The following ATAD2B variants were observed in gnomAD, a reference collection of about 807,000 sequenced individuals.
ATAD2B encodes ATPase family AAA domain containing 2B.
ATAD2B carries 40 observed loss-of-function variants against 167.6 expected under a neutral mutation model. That is an observed-to-expected ratio of 0.24 (90% CI 0.19 to 0.31). The LOEUF is 0.31. ATAD2B is among the 10% of genes least tolerant of loss of function. ATAD2B has a pLI of 1.00. For missense variants in ATAD2B, 1,242 were observed against 1,757.2 expected, an observed-to-expected ratio of 0.71 and a Z score of 5.24; for synonymous variants, 579 against 596.5, an observed-to-expected ratio of 0.97 and a Z score of 0.43.
chr2:23,922,808 A>C (rs146114924), intron 1 of ATAD2B, among the ~76,000 whole-genome samples: 1,684 of 152,234 alleles, frequency 0.011, 45 homozygotes, highest in African/African-American at 0.039. Context: ...CCACAATGAG[A>C]TATCACCTCA....
the ATAD2B span, among the ~76,000 whole-genome samples, chr2:23,681,469 A>G: frequency 6.6e-6 from 1 of 152,158 alleles, no homozygotes; most frequent in East Asian, 1.9e-4. This position sits in a 1 kb window ranked among gnomAD's most constrained non-coding sequence, Gnocchi z 4.2. Context: ...TTTGAAAGGA[A>G]GGTCTTCAGA....
the ATAD2B span, among the ~76,000 whole-genome samples, chr2:23,709,994 A>G: frequency 6.6e-6 from 1 of 152,218 alleles, no homozygotes; most frequent in African/African-American, 2.4e-5. Flanking sequence ...TGTGTCCACT[A>G]TATCAGGAGT....
At chr2:23,779,651 A>C (rs1679700666) in intron 22 of ATAD2B, among the ~76,000 whole-genome samples, 1 of 152,178 alleles carries the variant, frequency 6.6e-6, no homozygotes, top group Non-Finnish European at 1.5e-5. Flanking sequence ...GCGTTTATAA[A>C]AGAGGAAAAA....
chr2:23,818,075 TAAACAC>T (rs1465315726), intron 17 of ATAD2B, among the ~76,000 whole-genome samples: 10 of 25,634 alleles, frequency 3.9e-4, no homozygotes, highest in African/African-American at 7.5e-4. Context: ...CAAACACACA[TAAACAC>T]ACACACACAC....
rs74766690 is a variant in ATAD2B, at chr2:23,761,168, C to T, written c.3394+1041G>A. Among the ~76,000 whole-genome samples, 7 of 152,236 alleles carry T rather than the reference C, an allele frequency of 4.6e-5. No individual in the cohort carries two copies. In the East Asian group the frequency reaches 1.4e-3, roughly 29 times the overall value. On this transcript the variant is annotated intron_variant, in intron 24 of 27. Coordinates refer to ENST00000238789, the MANE Select transcript of ATAD2B (RefSeq NM_017552.4). ...AGTCATGATCTGAAATACAACTAGG[C>T]CAAATAGGCTTAATCAGTTTCACGG...
chr2:23,899,652 A>T (rs1400114867), intron 1 of ATAD2B, among the ~76,000 whole-genome samples: 1 of 151,972 alleles, frequency 6.6e-6, no homozygotes, highest in African/African-American at 2.4e-5. Flanking sequence ...GTGCAGTGGC[A>T]TGATCTCAGC....
the ATAD2B span, among the ~76,000 whole-genome samples, chr2:23,739,854 A>T: frequency 6.6e-6 from 1 of 152,206 alleles, no homozygotes; most frequent in Non-Finnish European, 1.5e-5. Context: ...TGCAATAAAA[A>T]ATGATAAAGG....
intron 1 of ATAD2B, among the ~76,000 whole-genome samples, chr2:23,918,987 A>AT (rs1166288386): frequency 6.6e-6 from 1 of 152,218 alleles, no homozygotes; most frequent in Non-Finnish European, 1.5e-5. Context: ...GAGATGCTAA[A>AT]TAAACCTTGG....
Position 23,769,711 on chromosome 2 carries a change from G to GATTTTTTTTTTTTTTTTTTT in ATAD2B, c.3134-4084_3134-4083insAAAAAAAAAAAAAAAAAAAT, listed in dbSNP as rs199842019. Among the ~76,000 whole-genome samples, 3 of 129,836 alleles carry GATTTTTTTTTTTTTTTTTTT rather than the reference G, an allele frequency of 2.3e-5. 1 individual carries two copies. Among genetic ancestry groups the GATTTTTTTTTTTTTTTTTTT allele is most frequent in the African/African-American group, 2.7e-5 (1 of 36,942 alleles). 85.2% of individuals were successfully genotyped at this position (129,836 alleles called of 152,430 possible). On this transcript the variant is annotated intron_variant, in intron 22 of 27. Coordinates refer to ENST00000238789, the MANE Select transcript of ATAD2B (RefSeq NM_017552.4). ...AAGTGTTTAATGGTGTCTCACTGTG[G>GATTTTTTTTTTTTTTTTTTT]GTTTTTTTTTTTTTTTTTTTTTGAG...
chr2:23,829,166 C>T (rs913993818), intron 14 of ATAD2B, among the ~76,000 whole-genome samples: 1 of 152,138 alleles, frequency 6.6e-6, no homozygotes, highest in African/African-American at 2.4e-5. Context: ...TGTTCACAAC[C>T]TAAGACATTT....
At chr2:23,828,823 C>CA in intron 15 of ATAD2B, 26 bp downstream of exon 15, 1 of 1,481,744 alleles carries the variant, frequency 6.7e-7, no homozygotes, top group Non-Finnish European at 9.4e-7. Flanking sequence ...CAATGACAAT[C>CA]AAAAAATTCA....
intron 13 of ATAD2B, among the ~76,000 whole-genome samples, chr2:23,844,814 G>T (rs1401459980): frequency 6.6e-6 from 1 of 151,696 alleles, no homozygotes; most frequent in Non-Finnish European, 1.5e-5. Context: ...GGGGACGACA[G>T]AAAAAATAAT....
chr2:23,699,586 CCT>C, the ATAD2B span, among the ~76,000 whole-genome samples: 3 of 152,194 alleles, frequency 2.0e-5, no homozygotes, highest in South Asian at 2.1e-4. Flanking sequence ...TCCTTTCTCC[CCT>C]GTCTTGTCTG....
the ATAD2B span, among the ~76,000 whole-genome samples, chr2:23,704,834 C>CT: frequency 6.6e-6 from 1 of 152,244 alleles, no homozygotes; most frequent in Non-Finnish European, 1.5e-5. Flanking sequence ...CTGAAGACAT[C>CT]TTGTGCCTAT....
the ATAD2B span, among the ~76,000 whole-genome samples, chr2:23,722,474 C>T: frequency 5.3e-5 from 8 of 152,198 alleles, no homozygotes; most frequent in African/African-American, 1.9e-4. Context: ...GCTTTAACAA[C>T]AAACCAGACC....
chr2:23,725,136 T>C, the ATAD2B span, among the ~76,000 whole-genome samples: 19 of 150,164 alleles, frequency 1.3e-4, no homozygotes, highest in East Asian at 3.5e-3. Flanking sequence ...TTAGAAACCA[T>C]GGAGGCTAGA....
chr2:23,908,898 A>T (rs1057333160), intron 1 of ATAD2B, among the ~76,000 whole-genome samples: 1 of 150,276 alleles, frequency 6.7e-6, no homozygotes, highest in Non-Finnish European at 1.5e-5. Context: ...AAAAAAAAAC[A>T]AACACCGCAT....
chr2:23,912,277 G>A (rs965576977), intron 1 of ATAD2B, among the ~76,000 whole-genome samples: 4 of 151,972 alleles, frequency 2.6e-5, no homozygotes, highest in African/African-American at 7.3e-5. Context: ...TGGGAGGATC[G>A]CTTGAGTCTA....
intron 18 of ATAD2B, among the ~76,000 whole-genome samples, chr2:23,810,066 T>C (rs563178719): frequency 6.6e-6 from 1 of 152,236 alleles, no homozygotes; most frequent in Admixed American, 6.5e-5. Context: ...CTTTCTACAA[T>C]GCATAATGAC....
Sources: allele counts gnomAD v4.1 joint callset (sites outside exome capture counted in the v4.1 genomes callset), GRCh38; gene constraint gnomAD v4.1.1; non-coding constraint Gnocchi (gnomAD v3.1); transcripts MANE v1.5; gene names NCBI Gene and HGNC (gene_info 2026-07-23, HGNC 2026-07-21).